Variants in DPYD observed in about 807,000 individuals in gnomAD.
The protein encoded by DPYD is dihydropyrimidine dehydrogenase.
A neutral mutation model predicts 116.2 loss-of-function variants in DPYD; 109 were observed. The ratio of observed to expected loss-of-function variants is 0.94; its 90% CI spans 0.80 to 1.10. The LOEUF (loss-of-function observed/expected upper bound fraction) is 1.10, where lower values mean the gene tolerates loss of function less well. Among genes scored for constraint, DPYD ranks in the 50% least tolerant of loss-of-function variants. The pLI is 0.00. For missense variants in DPYD, 1,302 were observed against 1,254.5 expected (o/e 1.04, Z -0.57); for synonymous variants, 440 against 432.0 (o/e 1.02, Z -0.23).
intron 20 of DPYD, among the ~76,000 whole-genome samples, chr1:97,099,718 C>G (rs1263543438): frequency 6.6e-6 from 1 of 152,056 alleles, no homozygotes; most frequent in Non-Finnish European, 1.5e-5. Flanking sequence ...GATCTCTGAC[C>G]TAGCAAGTAT....
chr1:97,422,863 G>A (rs1674661870), intron 14 of DPYD, among the ~76,000 whole-genome samples: 1 of 152,094 alleles, frequency 6.6e-6, no homozygotes, highest in Non-Finnish European at 1.5e-5. Context: ...AAATGAATGA[G>A]TAAATAAATA....
intron 3 of DPYD, 101 bp from the exon 4 acceptor site, chr1:97,740,580 A>C: frequency 9.8e-7 from 1 of 1,018,432 alleles, no homozygotes; most frequent in Non-Finnish European, 1.5e-6. Flanking sequence ...AAGTATAAAT[A>C]AAATCGTATC....
intron 8 of DPYD, among the ~76,000 whole-genome samples, chr1:97,666,946 T>G (rs1348593247): frequency 3.3e-5 from 5 of 152,192 alleles, no homozygotes; most frequent in Admixed American, 3.3e-4. Flanking sequence ...TATAAGCAAC[T>G]AATGTTCTTA....
intron 2 of DPYD, among the ~76,000 whole-genome samples, chr1:97,844,359 G>T (rs893844275): frequency 6.6e-6 from 1 of 152,186 alleles, no homozygotes; most frequent in African/African-American, 2.4e-5. Flanking sequence ...CTTCAGAATG[G>T]GGGCTGGTTG....
At chr1:97,403,840 C>T (rs1673504218) in intron 14 of DPYD, among the ~76,000 whole-genome samples, 1 of 151,766 alleles carries the variant, frequency 6.6e-6, no homozygotes, top group Non-Finnish European at 1.5e-5. Context: ...TTATTTTAGA[C>T]TAAATTTGCT....
intron 13 of DPYD, among the ~76,000 whole-genome samples, chr1:97,502,111 A>C (rs1679618920): frequency 6.6e-6 from 1 of 152,032 alleles, no homozygotes; most frequent in African/African-American, 2.4e-5. Context: ...GAAGAGGATA[A>C]ATTTTATTGA....
chr1:97,297,965 T>C (rs538713839), intron 18 of DPYD, among the ~76,000 whole-genome samples: 8 of 152,280 alleles, frequency 5.3e-5, no homozygotes, highest in African/African-American at 1.9e-4. Flanking sequence ...CATTTAATCT[T>C]AAAAGAGTGA....
chr1:97,097,667 T>C (rs1246325499), intron 21 of DPYD, among the ~76,000 whole-genome samples: 4 of 152,168 alleles, frequency 2.6e-5, no homozygotes, highest in South Asian at 2.1e-4. Flanking sequence ...CTGGTGGTGA[T>C]GTCACTGTTT....
intron 2 of DPYD, among the ~76,000 whole-genome samples, chr1:97,866,807 A>G (rs1671404023): frequency 2.0e-5 from 3 of 151,876 alleles, no homozygotes. Context: ...GAAGTGCAGT[A>G]TGTATATAAA....
chr1:97,231,277 G>T (rs1661572832), intron 19 of DPYD, among the ~76,000 whole-genome samples: 1 of 152,176 alleles, frequency 6.6e-6, no homozygotes. Context: ...AATATGCCCA[G>T]TTGGAAGAGT....
chr1:97,259,668 C>A lies in DPYD; in HGVS notation c.2300-24674G>T, dbSNP rs184951173. ...ATAATGGAGGCAAGAACTTCAAAGA[C>A]TGGTGAGTGAAAACTGTACAATAAT... On this transcript the variant is annotated intron_variant, in intron 18 of 22. Coordinates refer to ENST00000370192, the MANE Select transcript of DPYD (RefSeq NM_000110.4). Among the ~76,000 whole-genome samples the A allele has an allele frequency of 1.1e-4, 17 of 152,226 alleles. 1 individual carries two copies. The highest frequency in any genetic ancestry group is 7.2e-4 in the Admixed American group (11 of 15,276).
At chr1:97,084,966 T>C (rs1317146517) in intron 21 of DPYD, among the ~76,000 whole-genome samples, 1 of 152,160 alleles carries the variant, frequency 6.6e-6, no homozygotes, top group Admixed American at 6.5e-5. Context: ...TATAATATGG[T>C]AGTAGGCACA....
intron 16 of DPYD, among the ~76,000 whole-genome samples, chr1:97,356,979 C>A (rs988838077): frequency 2.0e-5 from 3 of 152,108 alleles, no homozygotes; most frequent in Non-Finnish European, 2.9e-5. Flanking sequence ...TCTTTTTGCT[C>A]GGACTGACTT....
intron 5 of DPYD, among the ~76,000 whole-genome samples, chr1:97,710,438 AT>A (rs1428658738): frequency 6.6e-6 from 1 of 151,862 alleles, no homozygotes; most frequent in Non-Finnish European, 1.5e-5. Context: ...CTTCATAACA[AT>A]TAGACCAGGA....
chr1:97,869,226 AG>A (rs1671543138), intron 2 of DPYD, among the ~76,000 whole-genome samples: 1 of 151,768 alleles, frequency 6.6e-6, no homozygotes, highest in Non-Finnish European at 1.5e-5. Context: ...GGCCAGAATG[AG>A]GGCCAGAGTT....
In DPYD at chr1:97,078,852, A is replaced by AT. The variant is rs760411849; in HGVS notation, c.*123dup. On this transcript the variant is annotated 3_prime_UTR_variant, in exon 23 of 23. Coordinates refer to ENST00000370192, the MANE Select transcript of DPYD (RefSeq NM_000110.4). The stretch of plus-strand genomic sequence containing the variant: ...TTACAAATGTATTTTGAAATTACAT[A>AT]TTTTTATTTAGAAAATGTATATTTG... The AT allele has an allele frequency of 2.6e-4, 304 of 1,180,464 alleles. No homozygotes were observed. Among genetic ancestry groups the AT allele is most frequent in the Non-Finnish European group, 3.5e-4 (280 of 809,566 alleles). The allele number at this position is 1,180,464 out of a possible 1,614,324, so 73.1% of individuals were successfully genotyped here.
chr1:97,862,221 A>C (rs1671152810), intron 2 of DPYD, among the ~76,000 whole-genome samples: 1 of 151,930 alleles, frequency 6.6e-6, no homozygotes, highest in Non-Finnish European at 1.5e-5. Context: ...AAGATTTAAA[A>C]ACAAACTCAT....
At chr1:97,709,309 A>G (rs1662155164) in intron 5 of DPYD, among the ~76,000 whole-genome samples, 1 of 151,924 alleles carries the variant, frequency 6.6e-6, no homozygotes, top group South Asian at 2.1e-4. Context: ...AAACAGTTCT[A>G]CCTTAGTGAT....
chr1:97,897,752 T>G (rs564106708), intron 1 of DPYD, among the ~76,000 whole-genome samples: 3 of 151,934 alleles, frequency 2.0e-5, no homozygotes, highest in Non-Finnish European at 4.4e-5. Flanking sequence ...TTTGAACATA[T>G]AGAATACAGT....
Sources: gnomAD v4.1 joint callset for allele counts (sites outside exome capture counted in the v4.1 genomes callset) on GRCh38, gnomAD v4.1.1 for gene constraint, MANE v1.5 for transcripts, NCBI Gene and HGNC (gene_info 2026-07-23, HGNC 2026-07-21) for gene names.